Variants in CYP2C8 observed in about 807,000 individuals in gnomAD.
CYP2C8 encodes cytochrome P450 2C8.
A neutral mutation model predicts 41.3 loss-of-function variants in CYP2C8; 51 were observed. That is an observed-to-expected ratio of 1.24 (90% CI 0.99 to 1.56). The LOEUF (loss-of-function observed/expected upper bound fraction) is 1.56, where lower values mean the gene tolerates loss of function less well. Ranked by LOEUF, CYP2C8 falls within the 40% of genes most tolerant of loss-of-function variation. The pLI, the probability that CYP2C8 is intolerant of heterozygous loss-of-function variation, is 0.00. For synonymous variants in CYP2C8, 218 were observed against 205.8 expected (o/e 1.06, Z -0.51); for missense variants, 651 against 579.9 (o/e 1.12, Z -1.26).
At chr10:95,068,914 A>G (rs988894306) in intron 1 of CYP2C8, among the ~76,000 whole-genome samples, 10 of 152,274 alleles carry the variant, frequency 6.6e-5, no homozygotes, top group African/African-American at 2.4e-4. Context: ...ACAAAAAATT[A>G]GCCGGGCATG....
At chr10:95,053,767 G>T (rs943678238) in intron 5 of CYP2C8, among the ~76,000 whole-genome samples, 1 of 152,084 alleles carries the variant, frequency 6.6e-6, no homozygotes, top group Non-Finnish European at 1.5e-5. Context: ...GCCTGTTGGG[G>T]GGTGGGGAGC....
chr10:95,062,752 C>CT (rs2033466267), intron 4 of CYP2C8, among the ~76,000 whole-genome samples: 1 of 150,176 alleles, frequency 6.7e-6, no homozygotes, highest in Non-Finnish European at 1.5e-5. Flanking sequence ...TCTTTACAAT[C>CT]TGATGTTTTT....
At chr10:95,068,658 TA>T in intron 1 of CYP2C8, 6 of 1,269,570 alleles carry the variant, frequency 4.7e-6, no homozygotes, top group Non-Finnish European at 6.2e-6. Flanking sequence ...AACAGCACTT[TA>T]AACTTTTGCC....
At chr10:95,053,964 G>A (rs1348302112) in intron 5 of CYP2C8, among the ~76,000 whole-genome samples, 1 of 151,096 alleles carries the variant, frequency 6.6e-6, no homozygotes, top group Non-Finnish European at 1.5e-5. Context: ...TGAATAGAAG[G>A]GAAAATTCCT....
At chr10:95,046,206 C>T (rs1209240795) in intron 5 of CYP2C8, among the ~76,000 whole-genome samples, 4 of 152,064 alleles carry the variant, frequency 2.6e-5, no homozygotes, top group Non-Finnish European at 1.5e-5. Context: ...TTTCTTTCCC[C>T]AGAAATAAAA....
At chr10:95,042,023 G>A (rs1030424797) in intron 7 of CYP2C8, among the ~76,000 whole-genome samples, 1 of 151,954 alleles carries the variant, frequency 6.6e-6, no homozygotes, top group Non-Finnish European at 1.5e-5. Context: ...TTTTATAAAT[G>A]AAGTTAAATA....
At chr10:95,064,406 G>A (rs561489265) in intron 4 of CYP2C8, among the ~76,000 whole-genome samples, 10 of 152,280 alleles carry the variant, frequency 6.6e-5, no homozygotes, top group East Asian at 1.9e-4. Flanking sequence ...GTGAGGCTTC[G>A]TGGGCATGGG....
intron 5 of CYP2C8, among the ~76,000 whole-genome samples, chr10:95,046,476 C>T (rs973734961): frequency 6.6e-6 from 1 of 152,100 alleles, no homozygotes; most frequent in East Asian, 1.9e-4. Flanking sequence ...AAGAACTACC[C>T]CACTCTTGCA....
chr10:95,050,327 C>T lies in CYP2C8; in HGVS notation c.820-4376G>A, dbSNP rs562394841. On this transcript the variant is annotated intron_variant, in intron 5 of 8. Coordinates refer to ENST00000371270, the MANE Select transcript of CYP2C8 (RefSeq NM_000770.3). Reference sequence around the variant, plus strand: ...TTCTGGGTGGTACCTCTGGACATGCCTGGGTACTGGAAGAATTTGCTTCAC... The same window carrying T: ...TTCTGGGTGGTACCTCTGGACATGCTTGGGTACTGGAAGAATTTGCTTCAC... Among the ~76,000 whole-genome samples, 5 of 152,226 alleles carry T rather than the reference C, an allele frequency of 3.3e-5. No individual in the cohort carries two copies. In the East Asian group the frequency reaches 9.7e-4, roughly 29 times the overall value.
At chr10:95,046,570 A>G (rs774950008) in intron 5 of CYP2C8, among the ~76,000 whole-genome samples, 2 of 152,160 alleles carry the variant, frequency 1.3e-5, no homozygotes, top group Non-Finnish European at 2.9e-5. Flanking sequence ...ACACTGTTGC[A>G]TTGGGCATTC....
chr10:95,048,984 A>G (rs1331857052), intron 5 of CYP2C8, among the ~76,000 whole-genome samples: 1 of 152,318 alleles, frequency 6.6e-6, no homozygotes, highest in Non-Finnish European at 1.5e-5. Flanking sequence ...TAATTAAACT[A>G]AAGAGCTTCT....
At chr10:95,057,222 C>T (rs1347053682) in intron 5 of CYP2C8, among the ~76,000 whole-genome samples, 2 of 152,024 alleles carry the variant, frequency 1.3e-5, no homozygotes, top group African/African-American at 4.8e-5. Flanking sequence ...TTTAGCTAGC[C>T]ATCAATCTGG....
chr10:95,041,476 C>T (rs2032994194), intron 7 of CYP2C8, among the ~76,000 whole-genome samples: 1 of 152,198 alleles, frequency 6.6e-6, no homozygotes, highest in Non-Finnish European at 1.5e-5. Context: ...AAGGAAGTTA[C>T]TGGCTTTTAA....
At position 95,043,005 on chromosome 10, in the gene CYP2C8, A is replaced by C. The variant is rs2033034320; in HGVS notation, c.1034T>G (p.Met345Arg). The change falls in exon 7 of 9, where the codon ATG (methionine) becomes AGG (arginine). Residue 345 changes from methionine to arginine, a missense_variant. Physicochemically the swap from Met to Arg is moderately conservative, Grantham distance 91. Transcript: ENST00000371270. The stretch of plus-strand genomic sequence containing the variant: ...GTGCACTACAGCATCAGTGTAAGGC[A>C]TGTGGCTCCTATCCTGCATGCAGGG... ...RSPCMQDRSH[M>R]PYTDAVVHEI... 6.2e-7 allele frequency: 1 copy of C among 1,614,230 alleles called. No individual in the cohort carries two copies. Among genetic ancestry groups the C allele is most frequent in the Admixed American group, 1.7e-5 (1 of 60,030 alleles).
chr10:95,049,785 A>G (rs2033181719), intron 5 of CYP2C8, among the ~76,000 whole-genome samples: 1 of 151,960 alleles, frequency 6.6e-6, no homozygotes, highest in Admixed American at 6.6e-5. Context: ...TGGGTAAGGG[A>G]GTGCTGACAT....
At position 95,046,809 on chromosome 10, in the gene CYP2C8, ATTTC is replaced by A. The variant is rs1177973034; in HGVS notation, c.820-862_820-859del. On this transcript the variant is annotated intron_variant, in intron 5 of 8. Transcript: ENST00000371270. The stretch of plus-strand genomic sequence containing the variant: ...TCTCATGCTTCAGGGCTACCATATT[ATTTC>A]TAGTCTAGCCCACTATAAGACTTCT... Among the ~76,000 whole-genome samples, 4 of 151,110 alleles carry A rather than the reference ATTTC, an allele frequency of 2.6e-5. No individual in the cohort carries two copies. The East Asian group carries it at 5.8e-4, about 22-fold the overall frequency.
At chr10:95,046,035 T>A (rs1448881444) in intron 5 of CYP2C8, 84 bp from the exon 6 acceptor site, 1 of 1,517,786 alleles carries the variant, frequency 6.6e-7, no homozygotes, top group South Asian at 1.2e-5. Flanking sequence ...ATACTATTTT[T>A]TAAAGTTAGC....
At chr10:95,061,538 C>G (rs1254913231) in intron 4 of CYP2C8, among the ~76,000 whole-genome samples, 2 of 152,048 alleles carry the variant, frequency 1.3e-5, no homozygotes, top group East Asian at 3.9e-4. Flanking sequence ...CTCTTTTCTT[C>G]TTTATTAGTC....
intron 1 of CYP2C8, 134 bp downstream of exon 1, chr10:95,069,101 G>A: frequency 1.0e-6 from 1 of 981,172 alleles, no homozygotes; most frequent in South Asian, 1.4e-5. Flanking sequence ...AAACATCAAA[G>A]AAGTTCAGAG....
Sources: gnomAD v4.1 joint callset for allele counts (sites outside exome capture counted in the v4.1 genomes callset) on GRCh38, gnomAD v4.1.1 for gene constraint, MANE v1.5 for transcripts, NCBI Gene and HGNC (gene_info 2026-07-23, HGNC 2026-07-21) for gene names.